The following SORCS3 variants were observed in gnomAD, a reference collection of about 807,000 sequenced individuals.
SORCS3 encodes the protein VPS10 domain-containing receptor SorCS3.
In SORCS3, 57 loss-of-function variants were observed where a neutral mutation model predicts 146.3. The ratio of observed to expected loss-of-function variants is 0.39; its 90% CI spans 0.31 to 0.49. The LOEUF (loss-of-function observed/expected upper bound fraction) is 0.49, where lower values mean the gene tolerates loss of function less well. SORCS3 is among the 20% of genes least tolerant of loss of function. The probability of loss-of-function intolerance (pLI) is 0.92; values close to 1 mark genes in which losing one functional copy is unlikely to be tolerated. For synonymous variants in SORCS3, 653 were observed against 618.5 expected (o/e 1.06, Z -0.83); for missense variants, 1,341 against 1,575.5 (o/e 0.85, Z 2.52).
At chr10:105,000,336 ATG>A (rs60887637) in intron 4 of SORCS3, among the ~76,000 whole-genome samples, 185 of 149,090 alleles carry the variant, frequency 1.2e-3, no homozygotes, top group African/African-American at 3.5e-3. Context: ...ACGTGTGTTC[ATG>A]TGTGTGTGTG....
intron 4 of SORCS3, among the ~76,000 whole-genome samples, chr10:105,005,911 C>T (rs2055092248): frequency 6.6e-6 from 1 of 152,128 alleles, no homozygotes; most frequent in African/African-American, 2.4e-5. Context: ...TATTCATTTC[C>T]TTTCACTAAA....
At chr10:105,193,590 A>C (rs6584656) in intron 14 of SORCS3, among the ~76,000 whole-genome samples, 3 of 152,150 alleles carry the variant, frequency 2.0e-5, no homozygotes, top group African/African-American at 7.2e-5. Context: ...AAATGGTCTC[A>C]AAAGGGCCAC....
intron 2 of SORCS3, among the ~76,000 whole-genome samples, chr10:104,886,214 T>A (rs2018682612): frequency 6.6e-6 from 1 of 152,186 alleles, no homozygotes; most frequent in African/African-American, 2.4e-5. Flanking sequence ...TGGAGGCTTT[T>A]ATTTTGGGGT....
chr10:105,019,260 A>G (rs2133687429), intron 4 of SORCS3, among the ~76,000 whole-genome samples: 1 of 152,298 alleles, frequency 6.6e-6, no homozygotes, highest in South Asian at 2.1e-4. Flanking sequence ...GGAGAATATG[A>G]CCATTACTTA....
intron 5 of SORCS3, among the ~76,000 whole-genome samples, chr10:105,070,971 G>A (rs951199242): frequency 2.0e-5 from 3 of 152,192 alleles, no homozygotes; most frequent in Non-Finnish European, 4.4e-5. Flanking sequence ...GAGAAGAGAA[G>A]CAAGTATCCT....
intron 5 of SORCS3, among the ~76,000 whole-genome samples, chr10:105,074,259 G>C (rs998579167): frequency 6.6e-6 from 1 of 152,196 alleles, no homozygotes; most frequent in Admixed American, 6.5e-5. Flanking sequence ...TGAATTGGGA[G>C]CTGTCATTTA....
intron 3 of SORCS3, among the ~76,000 whole-genome samples, chr10:104,948,709 G>A (rs754109678): frequency 5.3e-5 from 8 of 152,158 alleles, no homozygotes; most frequent in South Asian, 2.1e-4. Flanking sequence ...AGATTACTGC[G>A]GATCTGAAGG....
At chr10:104,980,672 G>A (rs2054926968) in intron 4 of SORCS3, among the ~76,000 whole-genome samples, 1 of 152,166 alleles carries the variant, frequency 6.6e-6, no homozygotes, top group African/African-American at 2.4e-5. Context: ...TGCCTTTGAT[G>A]AAATGCACTA....
intron 20 of SORCS3, among the ~76,000 whole-genome samples, chr10:105,242,288 A>G (rs1041678175): frequency 3.7e-5 from 5 of 134,766 alleles, no homozygotes; most frequent in Non-Finnish European, 7.7e-5. Flanking sequence ...ACATATGTTT[A>G]TATATATATT....
At chr10:104,852,983 T>C (rs1385069703) in intron 2 of SORCS3, among the ~76,000 whole-genome samples, 1 of 152,160 alleles carries the variant, frequency 6.6e-6, no homozygotes, top group Non-Finnish European at 1.5e-5. Flanking sequence ...ATCTAGGTTC[T>C]GGTGGGGATC....
intron 14 of SORCS3, among the ~76,000 whole-genome samples, chr10:105,192,108 T>C (rs2056520572): frequency 6.6e-6 from 1 of 152,154 alleles, no homozygotes; most frequent in Admixed American, 6.5e-5. Flanking sequence ...ATTAATAAAT[T>C]TGTATGCCTT....
intron 1 of SORCS3, among the ~76,000 whole-genome samples, chr10:104,697,218 C>T (rs751913423): frequency 2.4e-4 from 37 of 152,100 alleles, no homozygotes; most frequent in Non-Finnish European, 4.4e-4. Context: ...ATGTTGTAAA[C>T]AATGCTGCAA....
intron 7 of SORCS3, among the ~76,000 whole-genome samples, chr10:105,124,855 A>T (rs2055961910): frequency 6.6e-6 from 1 of 152,112 alleles, no homozygotes; most frequent in South Asian, 2.1e-4. Context: ...TGCAGGGGTA[A>T]TTCCACGGAA....
At chr10:105,241,588 A>G (rs1454397159) in intron 20 of SORCS3, among the ~76,000 whole-genome samples, 1 of 152,136 alleles carries the variant, frequency 6.6e-6, no homozygotes, top group Non-Finnish European at 1.5e-5. Flanking sequence ...TCTGGCATCC[A>G]AGAAGAATGA....
chr10:104,884,728 G>GA (rs566224595), intron 2 of SORCS3, among the ~76,000 whole-genome samples: 40 of 148,868 alleles, frequency 2.7e-4, no homozygotes, highest in African/African-American at 7.4e-4. Context: ...GGGTTCAAGG[G>GA]AAAAAAAAAG....
rs539741373 is a variant in SORCS3 at position 104,756,485 on chromosome 10, AG to A, written c.628-86303del. On this transcript the variant is annotated intron_variant, in intron 1 of 26. Coordinates refer to ENST00000369701, the MANE Select transcript of SORCS3 (RefSeq NM_014978.3). ...TGATGGAGAGCTCAAAGAGTTCAGC[AG>A]GGGTAAATAACTAGGAAGGGCAGGC... Among the ~76,000 whole-genome samples the A allele has an allele frequency of 3.3e-5, 5 of 152,322 alleles. No homozygotes were observed. The East Asian group carries it at 9.6e-4, about 29-fold the overall frequency.
chr10:104,877,813 A>G (rs529505103), intron 2 of SORCS3, among the ~76,000 whole-genome samples: 1 of 152,182 alleles, frequency 6.6e-6, no homozygotes, highest in Non-Finnish European at 1.5e-5. Flanking sequence ...CCTAAGTTTT[A>G]AAACATAGGA....
chr10:105,070,382 G>A (rs939499775), intron 5 of SORCS3, among the ~76,000 whole-genome samples: 2 of 152,142 alleles, frequency 1.3e-5, no homozygotes, highest in African/African-American at 2.4e-5. Context: ...ATACCACCTC[G>A]GTGTCTCCAG....
chr10:105,159,794 C>A (rs1417467643), intron 11 of SORCS3, among the ~76,000 whole-genome samples: 1 of 152,162 alleles, frequency 6.6e-6, no homozygotes, highest in African/African-American at 2.4e-5. Context: ...CCCTGGAGTT[C>A]CTACTCTCTA....
Sources: gnomAD v4.1 joint callset for allele counts (sites outside exome capture counted in the v4.1 genomes callset) on GRCh38, gnomAD v4.1.1 for gene constraint, MANE v1.5 for transcripts, NCBI Gene and HGNC (gene_info 2026-07-23, HGNC 2026-07-21) for gene names.